RTTN: variants seen among roughly 807,000 people sequenced by gnomAD.
The protein encoded by RTTN is rotatin.
A neutral mutation model predicts 269.2 loss-of-function variants in RTTN; 182 were observed. The observed-to-expected ratio is 0.68, with a 90% CI of 0.60 to 0.76. The LOEUF (loss-of-function observed/expected upper bound fraction) is 0.76, where lower values mean the gene tolerates loss of function less well. Among genes scored for constraint, RTTN ranks in the 30% least tolerant of loss-of-function variants. The probability of loss-of-function intolerance (pLI) is 0.00; values close to 1 mark genes in which losing one functional copy is unlikely to be tolerated. For missense variants in RTTN, 2,545 were observed against 2,608.6 expected, an observed-to-expected ratio of 0.98 and a Z score of 0.53; for synonymous variants, 1,006 against 963.5, an observed-to-expected ratio of 1.04 and a Z score of -0.82.
chr18:70,152,186 A>G (rs1160191461), intron 14 of RTTN, among the ~76,000 whole-genome samples: 1 of 144,952 alleles, frequency 6.9e-6, no homozygotes, highest in Non-Finnish European at 1.5e-5. Flanking sequence ...TGATCCTATC[A>G]AGGCTTGTGG....
At chr18:70,171,473 ATGTTTCACCCTGCGTACT>A (rs2061141324) in intron 11 of RTTN, among the ~76,000 whole-genome samples, 1 of 152,232 alleles carries the variant, frequency 6.6e-6, no homozygotes, top group Non-Finnish European at 1.5e-5. Context: ...AGGAATTCCA[ATGTTTCACCCTGCGTACT>A]TGTATTTGAA....
intron 14 of RTTN, 102 bp downstream of exon 14, chr18:70,165,960 T>C: frequency 1.7e-6 from 2 of 1,163,274 alleles, no homozygotes; most frequent in Non-Finnish European, 2.4e-6. Context: ...ATATAGTTCT[T>C]ATATCTCATA....
At chr18:70,193,553 A>G (rs2146117903) in intron 7 of RTTN, 100 bp from the exon 8 acceptor site, 1 of 914,050 alleles carries the variant, frequency 1.1e-6, no homozygotes, top group Non-Finnish European at 1.6e-6. Context: ...TAACAAATTA[A>G]GATAGTAGGA....
intron 25 of RTTN, among the ~76,000 whole-genome samples, chr18:70,127,298 G>A (rs903511900): frequency 6.6e-6 from 1 of 152,100 alleles, no homozygotes; most frequent in Non-Finnish European, 1.5e-5. Flanking sequence ...ATTGTTACAA[G>A]TTTATTAATA....
chr18:70,149,189 A>G (rs895537501), intron 16 of RTTN, 152 bp from the exon 17 acceptor site: 3 of 657,530 alleles, frequency 4.6e-6, no homozygotes, highest in Non-Finnish European at 7.4e-6. Context: ...AACTTCTATG[A>G]GCCAAGGAGC....
Position 70,196,534 on chromosome 18 carries a change from G to A in RTTN, c.808C>T (p.His270Tyr), listed in dbSNP as rs747963368. The A allele has an allele frequency of 1.2e-6, 2 of 1,611,874 alleles. No homozygotes were observed. The highest frequency in any genetic ancestry group is 1.7e-5 in the Admixed American group (1 of 59,236). The change falls in exon 7 of 49, where the codon CAC becomes TAC. Residue 270 changes from histidine to tyrosine, a missense_variant. By Grantham distance (83) the His-to-Tyr change is moderately conservative (BLOSUM62 2). Coordinates refer to ENST00000640769, the MANE Select transcript of RTTN (RefSeq NM_173630.4). ...CMYLRNRLNF[H>Y]RDPGFFSNKH... ...TTGGAGAAAAAACCTGGATCTCGGT[G>A]AAAGTTAAGTCTGTTTCTTAAATAC...
intron 25 of RTTN, among the ~76,000 whole-genome samples, chr18:70,122,958 T>C (rs2059776622): frequency 6.6e-6 from 1 of 152,020 alleles, no homozygotes. Context: ...AATCTAAGTG[T>C]ACTATCCTCT....
At chr18:70,124,830 C>G (rs915168265) in intron 25 of RTTN, among the ~76,000 whole-genome samples, 1 of 151,894 alleles carries the variant, frequency 6.6e-6, no homozygotes, top group Non-Finnish European at 1.5e-5. Flanking sequence ...GCAGAAAAAC[C>G]AATTCGCTAG....
intron 8 of RTTN, among the ~76,000 whole-genome samples, chr18:70,192,392 C>T (rs561211178): frequency 1.3e-5 from 2 of 152,244 alleles, no homozygotes; most frequent in East Asian, 3.9e-4. Flanking sequence ...GGGTGCCAAG[C>T]ACTGGGGGCC....
intron 1 of RTTN, 141 bp downstream of exon 1, chr18:70,205,487 C>G: frequency 7.5e-7 from 1 of 1,333,492 alleles, no homozygotes. Flanking sequence ...CGAGATGGGT[C>G]CCCGGGGGCT....
At chr18:70,142,764 A>T (rs2060289803) in intron 18 of RTTN, among the ~76,000 whole-genome samples, 1 of 152,224 alleles carries the variant, frequency 6.6e-6, no homozygotes, top group African/African-American at 2.4e-5. Context: ...TGGGCAGATC[A>T]TCTGAGGTCA....
Position 70,075,547 on chromosome 18 carries a change from G to A in RTTN, c.4375-6C>T. On this transcript the variant is annotated splice_polypyrimidine_tract_variant and splice_region_variant and intron_variant, in intron 32 of 48. Transcript: ENST00000640769. Reference sequence around the variant, plus strand: ...TCATCATGAACACAGGGACCCTGTAGGAAGAGAGGGAAAGAAGGAGGAGAC... The same window carrying A: ...TCATCATGAACACAGGGACCCTGTAAGAAGAGAGGGAAAGAAGGAGGAGAC... 1 of 1,549,324 alleles carries A rather than the reference G, an allele frequency of 6.5e-7. No homozygotes were observed. Among genetic ancestry groups the A allele is most frequent in the Non-Finnish European group, 8.6e-7 (1 of 1,156,570 alleles).
chr18:70,205,471 A>G (rs1357670977), intron 1 of RTTN, among the ~76,000 whole-genome samples, 156 bp from the exon 2 acceptor site: 3 of 152,216 alleles, frequency 2.0e-5, no homozygotes, highest in Admixed American at 6.5e-5. Context: ...AAGTTTACAC[A>G]AAGTCCGAGA....
intron 10 of RTTN, among the ~76,000 whole-genome samples, chr18:70,183,467 A>G (rs1356408018): frequency 1.3e-5 from 2 of 152,214 alleles, no homozygotes; most frequent in African/African-American, 4.8e-5. Flanking sequence ...GTCTTCAACC[A>G]GGCAGAGTAG....
chr18:70,112,370 A>G (rs977885790), intron 27 of RTTN, among the ~76,000 whole-genome samples: 1 of 151,880 alleles, frequency 6.6e-6, no homozygotes, highest in Middle Eastern at 3.2e-3. Flanking sequence ...CAAATTGGAT[A>G]AAGAGTCAAG....
chr18:70,164,115 G>T (rs2060921232), intron 14 of RTTN, among the ~76,000 whole-genome samples: 1 of 152,144 alleles, frequency 6.6e-6, no homozygotes, highest in African/African-American at 2.4e-5. Flanking sequence ...TTCAATTTGG[G>T]AGATGGGTAA....
chr18:70,167,703 C>CA (rs34745283), intron 12 of RTTN, among the ~76,000 whole-genome samples: 2,998 of 88,618 alleles, frequency 0.034, 47 homozygotes, highest in Non-Finnish European at 0.046. Context: ...GATTTCGTCT[C>CA]AAAAAAAAAA....
At chr18:70,123,852 G>C (rs1396253547) in intron 25 of RTTN, among the ~76,000 whole-genome samples, 3 of 152,016 alleles carry the variant, frequency 2.0e-5, no homozygotes, top group Non-Finnish European at 2.9e-5. Flanking sequence ...TCCTACAAGA[G>C]TGACACCTAG....
intron 35 of RTTN, among the ~76,000 whole-genome samples, chr18:70,063,711 A>C (rs1218593379): frequency 3.3e-5 from 5 of 152,226 alleles, no homozygotes; most frequent in Non-Finnish European, 7.3e-5. Context: ...TTCTAGAGCA[A>C]GCATATATAG....
Sources: allele counts gnomAD v4.1 joint callset (sites outside exome capture counted in the v4.1 genomes callset), GRCh38; gene constraint gnomAD v4.1.1; transcripts MANE v1.5; gene names NCBI Gene and HGNC (gene_info 2026-07-23, HGNC 2026-07-21).